The following MYO10 variants were observed in gnomAD, a reference collection of about 807,000 sequenced individuals.
The protein encoded by MYO10 is unconventional myosin-X.
A neutral mutation model predicts 257.3 loss-of-function variants in MYO10; 133 were observed. That is an observed-to-expected ratio of 0.52 (90% confidence interval 0.45 to 0.60). The LOEUF is 0.60. MYO10 is among the 20% of genes least tolerant of loss of function. The probability of loss-of-function intolerance (pLI) is 0.00; values close to 1 mark genes in which losing one functional copy is unlikely to be tolerated. For missense variants in MYO10, 2,399 were observed against 2,635.7 expected (o/e 0.91, Z 1.97); for synonymous variants, 1,104 against 1,028.6 (o/e 1.07, Z -1.40).
chr5:16,703,566 A>C (rs374650774), intron 22 of MYO10, among the ~76,000 whole-genome samples: 54 of 152,276 alleles, frequency 3.5e-4, no homozygotes, highest in African/African-American at 1.3e-3. Flanking sequence ...AGTGGATGCA[A>C]CTAAAACGCA....
At chr5:16,859,201 A>G (rs1370223508) in intron 2 of MYO10, among the ~76,000 whole-genome samples, 1 of 152,166 alleles carries the variant, frequency 6.6e-6, no homozygotes, top group Non-Finnish European at 1.5e-5. Context: ...TTAACAATAG[A>G]AATCTATTTC....
At chr5:16,686,084 G>C (rs1199756027) in intron 28 of MYO10, among the ~76,000 whole-genome samples, 1 of 152,118 alleles carries the variant, frequency 6.6e-6, no homozygotes, top group Non-Finnish European at 1.5e-5. Flanking sequence ...TTTTCTCCAG[G>C]TCCCATAGAC....
chr5:16,713,428 C>T (rs899110661), intron 19 of MYO10: 19 of 985,720 alleles, frequency 1.9e-5, no homozygotes, highest in Non-Finnish European at 2.3e-5. Flanking sequence ...TTCCCCACAG[C>T]TAAAGACATG....
intron 14 of MYO10, 48 bp from the exon 15 acceptor site, chr5:16,762,685 G>A (rs1388686675): frequency 2.2e-6 from 3 of 1,391,278 alleles, no homozygotes; most frequent in South Asian, 2.5e-5. Flanking sequence ...ATGTGGCTGG[G>A]TGCATGGGTA....
rs1012479949 is a variant in MYO10, at chr5:16,672,832, G to A, written c.5173-7C>T. On this transcript the variant is annotated splice_region_variant and splice_polypyrimidine_tract_variant and intron_variant, in intron 36 of 40. Coordinates refer to ENST00000513610, the MANE Select transcript of MYO10 (RefSeq NM_012334.3). ...GGATCAGCTTCTCCACCACCTGGAAGACACACCAGGGGGACTTCAGTTCCA... is the reference window on the plus strand; with the variant it reads ...GGATCAGCTTCTCCACCACCTGGAAAACACACCAGGGGGACTTCAGTTCCA... The A allele has an allele frequency of 1.9e-6, 3 of 1,611,740 alleles. No homozygotes were observed. Among genetic ancestry groups the A allele is most frequent in the East Asian group, 2.2e-5 (1 of 44,828 alleles).
At chr5:16,845,664 C>T (rs1175454194) in intron 2 of MYO10, among the ~76,000 whole-genome samples, 1 of 152,052 alleles carries the variant, frequency 6.6e-6, no homozygotes, top group Non-Finnish European at 1.5e-5. Flanking sequence ...AAACAAAACA[C>T]ATCTTTAAAG....
At chr5:16,765,930 C>T in intron 11 of MYO10, 150 bp downstream of exon 11, 1 of 627,690 alleles carries the variant, frequency 1.6e-6, no homozygotes, top group Non-Finnish European at 2.8e-6. Context: ...TTGGTATCTT[C>T]TTTATTTTTA....
At chr5:16,712,852 C>T (rs969323183) in intron 19 of MYO10, among the ~76,000 whole-genome samples, 27 of 152,142 alleles carry the variant, frequency 1.8e-4, no homozygotes, top group African/African-American at 6.5e-4. Flanking sequence ...TGTTTTTAGT[C>T]TTGATTAAAT....
At chr5:16,675,734 T>C (rs933882779) in intron 34 of MYO10, among the ~76,000 whole-genome samples, 5 of 151,982 alleles carry the variant, frequency 3.3e-5, no homozygotes, top group Non-Finnish European at 7.4e-5. Context: ...TAAGACTCTG[T>C]CTCAAAAAAC....
intron 29 of MYO10, among the ~76,000 whole-genome samples, chr5:16,684,170 C>G (rs1298234488): frequency 6.6e-6 from 1 of 152,186 alleles, no homozygotes; most frequent in East Asian, 1.9e-4. Context: ...ATCATTACCT[C>G]TTAACCTTTC....
Position 16,668,354 on chromosome 5 carries a change from G to A in MYO10, c.5998C>T (p.Leu2000Phe). The change falls in exon 40 of 41, where the codon CTC becomes TTC. Residue 2000 changes from leucine (L) to phenylalanine (F), a missense_variant. This residue lies in a region of MYO10 where 1,820 missense variants were observed against 1,939.4 expected (regional missense o/e 0.94). Coordinates refer to ENST00000513610, the MANE Select transcript of MYO10 (RefSeq NM_012334.3). ...TTCGCCAGGGGTGCCCCAAAAGAGA[G>A]GATGTGTTCATACTGGAAGACTTCC... Reference protein sequence around the residue: ...PLEVFQYEHILSFGAPLANTY... With the variant: ...PLEVFQYEHIFSFGAPLANTY... 6.2e-7 allele frequency: 1 copy of A among 1,613,948 alleles called. No individual in the cohort carries two copies. The highest frequency in any genetic ancestry group is 1.1e-5 in the South Asian group (1 of 91,082).
At position 16,701,208 on chromosome 5, in the gene MYO10, G is replaced by C. The variant is rs1404143821; in HGVS notation, c.3187C>G (p.Leu1063Val). The C allele has an allele frequency of 1.9e-6, 3 of 1,611,412 alleles. No individual in the cohort carries two copies. The highest frequency in any genetic ancestry group is 2.5e-6 in the Non-Finnish European group (3 of 1,178,794). ...GACTCGCCGCTGGAGGAGTTGTGTAGGCTCCCGGAGTCCTGCACTGATGGG... is the reference window on the plus strand; with the variant it reads ...GACTCGCCGCTGGAGGAGTTGTGTACGCTCCCGGAGTCCTGCACTGATGGG... ...LAPSVQDSGS[L>V]HNSSSGESTY... Residue 1063 changes from leucine (L) to valine (V), a missense_variant, in exon 25 of 41, where the codon CTA (leucine) becomes GTA (valine). By Grantham distance (32) the Leu-to-Val change is conservative. This residue lies in a region of MYO10 where 1,820 missense variants were observed against 1,939.4 expected (regional missense o/e 0.94). Coordinates refer to ENST00000513610, the MANE Select transcript of MYO10 (RefSeq NM_012334.3). This position sits in a 1 kb window ranked among gnomAD's most constrained non-coding sequence, Gnocchi z 8.1.
At chr5:16,671,298 T>G (rs189874024) in intron 38 of MYO10, 124 bp downstream of exon 38, 98 of 1,231,610 alleles carry the variant, frequency 8.0e-5, no homozygotes, top group Admixed American at 2.1e-4. Context: ...GCTGGTCTTG[T>G]CTTTGCTGGG....
At chr5:16,744,886 C>T (rs1740139957) in intron 19 of MYO10, among the ~76,000 whole-genome samples, 1 of 152,078 alleles carries the variant, frequency 6.6e-6, no homozygotes, top group Non-Finnish European at 1.5e-5. Context: ...TGCTCAGAGG[C>T]TGTTTACTGG....
Position 16,679,094 on chromosome 5 carries a change from A to T in MYO10, c.4542+853T>A, listed in dbSNP as rs529079702. 3.9e-5 allele frequency among the ~76,000 whole-genome samples: 6 copies of T among 152,338 alleles called. No individual in the cohort carries two copies. In the South Asian group the frequency reaches 1.2e-3, roughly 32 times the overall value. ...TATAAACAGCAATTTGTAATGTAAC[A>T]TGCTCGGTGTTAATAGAGAGACTCA... On this transcript the variant is annotated intron_variant, in intron 33 of 40. Coordinates refer to ENST00000513610, the MANE Select transcript of MYO10 (RefSeq NM_012334.3).
intron 26 of MYO10, among the ~76,000 whole-genome samples, chr5:16,697,497 C>G (rs1023168415): frequency 6.6e-6 from 1 of 151,970 alleles, no homozygotes; most frequent in Non-Finnish European, 1.5e-5. Context: ...GTTAGGAGTT[C>G]GAGACCAGCC....
chr5:16,866,058 C>CACAA (rs1491356491), intron 2 of MYO10, among the ~76,000 whole-genome samples: 4 of 131,534 alleles, frequency 3.0e-5, no homozygotes, highest in African/African-American at 1.1e-4. Flanking sequence ...CACACACACA[C>CACAA]AAAACAATAG....
At position 16,663,414 on chromosome 5, in the gene MYO10, A is replaced by C. The variant is rs1341685119; in HGVS notation, c.*3278T>G. On this transcript the variant is annotated 3_prime_UTR_variant, in exon 41 of 41. Coordinates refer to ENST00000513610, the MANE Select transcript of MYO10 (RefSeq NM_012334.3). ...GCTTTCAAAAGATTTAAAAATTAAA[A>C]ATACTAGATTGTCAGCGTCTGAAGT... 5 of 145,908 alleles carry C rather than the reference A, an allele frequency of 3.4e-5. No homozygotes were observed. The highest frequency in any genetic ancestry group is 1.3e-4 in the African/African-American group (5 of 38,852). 9.0% of individuals were successfully genotyped at this position (145,908 alleles called of 1,614,324 possible). A position where few individuals can be genotyped will look rare whatever the true frequency, so the allele number is the denominator to read the frequency against.
intron 3 of MYO10, among the ~76,000 whole-genome samples, chr5:16,795,642 C>G (rs1160413873): frequency 6.6e-6 from 1 of 152,090 alleles, no homozygotes; most frequent in African/African-American, 2.4e-5. Context: ...GGATGCAGAA[C>G]ATTGTGAATG....
Sources: allele counts gnomAD v4.1 joint callset (sites outside exome capture counted in the v4.1 genomes callset), GRCh38; gene constraint gnomAD v4.1.1; regional missense constraint gnomAD v4.1.1; non-coding constraint Gnocchi (gnomAD v3.1); transcripts MANE v1.5; gene names NCBI Gene and HGNC (gene_info 2026-07-23, HGNC 2026-07-21).